PLXDC2: variants seen among roughly 807,000 people sequenced by gnomAD.
The protein encoded by PLXDC2 is plexin domain-containing protein 2.
A neutral mutation model predicts 68.9 loss-of-function variants in PLXDC2; 40 were observed. That is an observed-to-expected ratio of 0.58 (90% confidence interval 0.45 to 0.76). The LOEUF (loss-of-function observed/expected upper bound fraction) is 0.76, where lower values mean the gene tolerates loss of function less well. Ranked by LOEUF, PLXDC2 falls within the 30% of genes least tolerant of loss-of-function variation. The pLI, the probability that PLXDC2 is intolerant of heterozygous loss-of-function variation, is 0.00. For missense variants in PLXDC2, 644 were observed against 661.9 expected (o/e 0.97, Z 0.30); for synonymous variants, 243 against 234.2 (o/e 1.04, Z -0.34).
intron 4 of PLXDC2, among the ~76,000 whole-genome samples, chr10:20,126,087 C>G (rs1386538943): frequency 6.8e-6 from 1 of 146,550 alleles, no homozygotes; most frequent in Non-Finnish European, 1.5e-5. Context: ...TATACACAGG[C>G]TATATAAAAC....
At chr10:19,932,952 C>T (rs1833665202) in intron 1 of PLXDC2, among the ~76,000 whole-genome samples, 1 of 152,102 alleles carries the variant, frequency 6.6e-6, no homozygotes, top group African/African-American at 2.4e-5. Context: ...TGTATTAGTC[C>T]TTTTATCTAG....
chr10:20,085,412 G>A (rs1833178545), intron 4 of PLXDC2, among the ~76,000 whole-genome samples: 1 of 152,128 alleles, frequency 6.6e-6, no homozygotes, highest in Non-Finnish European at 1.5e-5. Flanking sequence ...CCGTGCGGGA[G>A]GTGCTGAGGG....
At chr10:20,127,350 A>G (rs1318723121) in intron 4 of PLXDC2, among the ~76,000 whole-genome samples, 1 of 152,230 alleles carries the variant, frequency 6.6e-6, no homozygotes, top group Non-Finnish European at 1.5e-5. Context: ...GTAAACAATC[A>G]TGGAAAACAA....
intron 2 of PLXDC2, among the ~76,000 whole-genome samples, chr10:20,041,325 A>G (rs577019151): frequency 6.6e-6 from 1 of 152,290 alleles, no homozygotes; most frequent in African/African-American, 2.4e-5. Flanking sequence ...TTGAGTCACA[A>G]CTTTATTCTC....
At chr10:20,278,661 T>A (rs1836040594) in intron 13 of PLXDC2, among the ~76,000 whole-genome samples, 1 of 152,062 alleles carries the variant, frequency 6.6e-6, no homozygotes, top group African/African-American at 2.4e-5. Context: ...CATCCCTACC[T>A]GATGTGAAAA....
intron 1 of PLXDC2, among the ~76,000 whole-genome samples, chr10:19,968,601 C>G (rs936664241): frequency 9.2e-5 from 14 of 152,186 alleles, no homozygotes; most frequent in African/African-American, 3.4e-4. Context: ...GCATGAGCCA[C>G]CGCACCCGGC....
rs576195136 is a variant in PLXDC2 at position 20,185,205 on chromosome 10, A to G, written c.1061+7796A>G. On this transcript the variant is annotated intron_variant, in intron 9 of 13. Coordinates refer to ENST00000377252, the MANE Select transcript of PLXDC2 (RefSeq NM_032812.9). Reference sequence around the variant, plus strand: ...AAAAAAAACTATGGGTATTTTCCATACAGTGAGGTTTTCAAAGTAAGCCAA... The same window carrying G: ...AAAAAAAACTATGGGTATTTTCCATGCAGTGAGGTTTTCAAAGTAAGCCAA... 1.0e-3 allele frequency among the ~76,000 whole-genome samples: 158 copies of G among 151,056 alleles called. 1 individual carries two copies. The highest frequency in any genetic ancestry group is 3.3e-3 in the African/African-American group (136 of 41,204).
intron 1 of PLXDC2, among the ~76,000 whole-genome samples, chr10:19,959,559 C>T (rs2131601495): frequency 6.6e-6 from 1 of 152,192 alleles, no homozygotes; most frequent in Non-Finnish European, 1.5e-5. Context: ...ATTTAAGAAT[C>T]CTGAAATGGC....
intron 4 of PLXDC2, among the ~76,000 whole-genome samples, chr10:20,084,011 A>T (rs1323290900): frequency 6.6e-6 from 1 of 152,242 alleles, no homozygotes; most frequent in Non-Finnish European, 1.5e-5. Flanking sequence ...TATTTAATTA[A>T]CAATGTTATA....
chr10:19,987,571 T>C, intron 1 of PLXDC2, among the ~76,000 whole-genome samples: 1 of 150,736 alleles, frequency 6.6e-6, no homozygotes, highest in East Asian at 2.0e-4. Flanking sequence ...TGTTTTTTTT[T>C]CTTTTTTTGC....
At chr10:20,239,086 C>T (rs73605613) in intron 12 of PLXDC2, among the ~76,000 whole-genome samples, 13,779 of 151,928 alleles carry the variant, frequency 0.091, 706 homozygotes, top group South Asian at 0.14. Context: ...CTTTATTAAT[C>T]CCTGTTATTT....
At chr10:20,157,335 T>A (rs1834230412) in intron 6 of PLXDC2, among the ~76,000 whole-genome samples, 1 of 152,178 alleles carries the variant, frequency 6.6e-6, no homozygotes, top group African/African-American at 2.4e-5. Flanking sequence ...TAAGGTTAGA[T>A]AGGCATATGA....
intron 13 of PLXDC2, among the ~76,000 whole-genome samples, chr10:20,273,948 A>G (rs1171651658): frequency 1.3e-5 from 2 of 151,822 alleles, no homozygotes; most frequent in African/African-American, 2.4e-5. Context: ...CTGAGGGGGG[A>G]AGATCACTTG....
intron 12 of PLXDC2, among the ~76,000 whole-genome samples, chr10:20,234,782 CA>C (rs1835412338): frequency 6.6e-6 from 1 of 151,286 alleles, no homozygotes; most frequent in Non-Finnish European, 1.5e-5. Context: ...CATCAAACCA[CA>C]GCAAATAGCA....
chr10:19,898,586 A>G (rs375784679), intron 1 of PLXDC2, among the ~76,000 whole-genome samples: 31 of 152,282 alleles, frequency 2.0e-4, no homozygotes, highest in African/African-American at 3.6e-4. Context: ...TTTAACCACA[A>G]TGAAAAAACT....
chr10:20,146,262 A>G (rs1015576901), intron 5 of PLXDC2, among the ~76,000 whole-genome samples: 1 of 152,042 alleles, frequency 6.6e-6, no homozygotes, highest in Non-Finnish European at 1.5e-5. Flanking sequence ...AAATTCCTAT[A>G]CTTATAAAAT....
At chr10:19,893,977 G>A (rs1221772211) in intron 1 of PLXDC2, among the ~76,000 whole-genome samples, 1 of 152,142 alleles carries the variant, frequency 6.6e-6, no homozygotes, top group Non-Finnish European at 1.5e-5. Context: ...CCTCTTCACT[G>A]CCCTAGAGTT....
chr10:20,187,325 T>C (rs1425371075), intron 9 of PLXDC2, among the ~76,000 whole-genome samples: 1 of 151,818 alleles, frequency 6.6e-6, no homozygotes, highest in Non-Finnish European at 1.5e-5. Context: ...AAATTTCTTT[T>C]TTGTAGATCT....
rs562704735 is a variant in PLXDC2, at chr10:20,036,833, A to G, written c.325-10036A>G. ...AAGATTCTTATATTCCCTTCAACAC[A>G]TTTGTGAATTTCGCCTCCAACTTTG... is the stretch of plus-strand genomic sequence containing the variant. On this transcript the variant is annotated intron_variant, in intron 2 of 13. Coordinates refer to ENST00000377252, the MANE Select transcript of PLXDC2 (RefSeq NM_032812.9). 2.6e-5 allele frequency among the ~76,000 whole-genome samples: 4 copies of G among 152,300 alleles called. No individual in the cohort carries two copies. In the East Asian group the frequency reaches 7.7e-4, roughly 29 times the overall value.
Sources: allele counts gnomAD v4.1 joint callset (sites outside exome capture counted in the v4.1 genomes callset), GRCh38; gene constraint gnomAD v4.1.1; transcripts MANE v1.5; gene names NCBI Gene and HGNC (gene_info 2026-07-23, HGNC 2026-07-21).